The following NAV2 variants were observed in gnomAD, a reference collection of about 807,000 sequenced individuals.
The protein encoded by NAV2 is helicase, APC down-regulated 1.
A neutral mutation model predicts 223.2 loss-of-function variants in NAV2; 54 were observed. That is an observed-to-expected ratio of 0.24 (90% CI 0.19 to 0.30). The LOEUF is 0.30. Ranked by LOEUF, NAV2 falls within the 10% of genes least tolerant of loss-of-function variation. The pLI is 1.00. For synonymous variants in NAV2, 1,279 were observed against 1,239.3 expected (o/e 1.03, Z -0.67); for missense variants, 2,806 against 3,147.5 (o/e 0.89, Z 2.60).
intron 1 of NAV2, among the ~76,000 whole-genome samples, chr11:19,459,504 C>A (rs11025140): frequency 2.0e-5 from 3 of 152,016 alleles, no homozygotes; most frequent in African/African-American, 4.8e-5. Flanking sequence ...TCAGCCAGGC[C>A]TGGTCATGAA....
chr11:19,971,802 A>G (rs565068125), intron 10 of NAV2, among the ~76,000 whole-genome samples: 2 of 152,308 alleles, frequency 1.3e-5, no homozygotes, highest in African/African-American at 4.8e-5. Flanking sequence ...TACTGGGTTC[A>G]AGCAATTCTC....
rs370523360 is a variant in NAV2, at chr11:19,797,842, G to C, written c.268-34642G>C. On this transcript the variant is annotated intron_variant, in intron 1 of 37. Transcript: ENST00000349880. ...GTGGCCCTCCTCAGGTGGTCCTGAG[G>C]ACTCAATGAAGTCACCGGTGTAAAG... 3.3e-4 allele frequency among the ~76,000 whole-genome samples: 50 copies of C among 152,106 alleles called. 1 individual carries two copies. Among genetic ancestry groups the C allele is most frequent in the Admixed American group, 1.3e-4 (2 of 15,272 alleles).
chr11:19,514,132 G>A (rs2043365758), intron 1 of NAV2, among the ~76,000 whole-genome samples: 4 of 152,090 alleles, frequency 2.6e-5, no homozygotes, highest in Admixed American at 1.3e-4. Context: ...GCTAAGATTT[G>A]CACCAAAGTT....
At chr11:20,041,166 T>C (rs1395439262) in intron 12 of NAV2, among the ~76,000 whole-genome samples, 1 of 152,098 alleles carries the variant, frequency 6.6e-6, no homozygotes, top group East Asian at 1.9e-4. Flanking sequence ...AGCTATTAGG[T>C]GCTACTGAGT....
At chr11:19,650,975 C>T (rs778691915) in intron 1 of NAV2, among the ~76,000 whole-genome samples, 5 of 152,158 alleles carry the variant, frequency 3.3e-5, no homozygotes, top group Non-Finnish European at 5.9e-5. Context: ...TTTATAAAAA[C>T]TCATTGAATT....
chr11:19,877,472 T>TTTTTTTTTTTTTGTTTTTTCTTTTA (rs1313196964), intron 4 of NAV2, among the ~76,000 whole-genome samples: 1 of 117,838 alleles, frequency 8.5e-6, no homozygotes, highest in Non-Finnish European at 1.7e-5. Flanking sequence ...TCTTCATTCT[T>TTTTTTTTTTTTTGTTTTTTCTTTTA]TTTTTTTTTT....
At chr11:19,497,578 C>A (rs979554700) in intron 1 of NAV2, among the ~76,000 whole-genome samples, 2 of 152,166 alleles carry the variant, frequency 1.3e-5, no homozygotes, top group Admixed American at 6.5e-5. Context: ...ATTGTCCCTA[C>A]TCATCCATGG....
intron 6 of NAV2, among the ~76,000 whole-genome samples, chr11:19,919,326 G>A (rs1420829156): frequency 6.6e-6 from 1 of 151,352 alleles, no homozygotes; most frequent in African/African-American, 2.4e-5. Context: ...AGCTCCTTGA[G>A]TCCTTGTTCA....
rs143264481 is a variant in NAV2, at chr11:19,964,766, G to A, written c.2645+15686G>A. 2.2e-3 allele frequency among the ~76,000 whole-genome samples: 321 copies of A among 145,914 alleles called. 3 individuals carry two copies. Among genetic ancestry groups the A allele is most frequent in the African/African-American group, 7.9e-3 (305 of 38,750 alleles). On this transcript the variant is annotated intron_variant, in intron 10 of 37. Coordinates refer to ENST00000349880, the MANE Select transcript of NAV2 (RefSeq NM_145117.5). ...TCCTCCTGTCTCAGCCTCCCAAAAC[G>A]TTGGGATTACAGGCATAAGCCACCA...
chr11:20,086,855 C>T lies in NAV2; in HGVS notation c.5498+3676C>T, dbSNP rs142944368. The stretch of plus-strand genomic sequence containing the variant: ...CACAGAGGGGGGCAGAGTGGGGAGT[C>T]GGAGCACTACTTTGGTTCCATTAAA... On this transcript the variant is annotated intron_variant, in intron 26 of 37. Transcript: ENST00000349880. Among the ~76,000 whole-genome samples, 66 of 152,158 alleles carry T rather than the reference C, an allele frequency of 4.3e-4. 2 individuals carry two copies. The East Asian group carries it at 0.012, about 29-fold the overall frequency.
At chr11:19,352,346 AC>A (rs1412820513) in intron 1 of NAV2, among the ~76,000 whole-genome samples, 1 of 152,260 alleles carries the variant, frequency 6.6e-6, no homozygotes, top group Non-Finnish European at 1.5e-5. Flanking sequence ...GTATCCAGAC[AC>A]TTAGTGGAGG....
intron 11 of NAV2, among the ~76,000 whole-genome samples, chr11:20,020,849 G>A (rs902157300): frequency 6.6e-6 from 1 of 152,066 alleles, no homozygotes; most frequent in African/African-American, 2.4e-5. Context: ...CTGTACCCTT[G>A]GACTCTCTGG....
chr11:19,677,629 G>T (rs1172662657), intron 1 of NAV2, among the ~76,000 whole-genome samples: 1 of 152,240 alleles, frequency 6.6e-6, no homozygotes, highest in Non-Finnish European at 1.5e-5. Flanking sequence ...TAGGTTCAGG[G>T]AAGGAAAGGA....
Position 19,681,508 on chromosome 11 carries a change from C to T in NAV2, c.76-150976C>T, listed in dbSNP as rs572825907. On this transcript the variant is annotated intron_variant, in intron 1 of 37. Coordinates refer to the NAV2 transcript ENST00000360655. ...GCTGAGTTGAGATCAGGTTTATCTT[C>T]TAGAAGCCTATCGATTTAATTATTT... Among the ~76,000 whole-genome samples, 103 of 152,182 alleles carry T rather than the reference C, an allele frequency of 6.8e-4. 1 individual carries two copies. The highest frequency in any genetic ancestry group is 1.2e-3 in the Non-Finnish European group (83 of 68,042).
chr11:19,547,537 G>C (rs189608553), intron 1 of NAV2, among the ~76,000 whole-genome samples: 151 of 152,216 alleles, frequency 9.9e-4, no homozygotes, highest in Admixed American at 2.9e-3. Context: ...GCTGCACACT[G>C]TGTAATCAGG....
chr11:20,088,083 T>C (rs1004597298), intron 26 of NAV2, among the ~76,000 whole-genome samples: 11 of 152,100 alleles, frequency 7.2e-5, no homozygotes, highest in Non-Finnish European at 1.2e-4. Flanking sequence ...CGATACAGCA[T>C]AAGTCTAGTC....
intron 1 of NAV2, among the ~76,000 whole-genome samples, chr11:19,389,182 G>A (rs191402349): frequency 6.6e-6 from 1 of 152,324 alleles, no homozygotes; most frequent in Admixed American, 6.5e-5. Context: ...GGTGAGCAGT[G>A]ACTGGCTTGC....
chr11:19,459,835 G>A lies in NAV2; in HGVS notation c.75+108808G>A, dbSNP rs151039004. On this transcript the variant is annotated intron_variant, in intron 1 of 37. Coordinates refer to the NAV2 transcript ENST00000360655. ...CTCTAGGTCTTGGGAGCCACAGAAT[G>A]TTTTTGAGCAAGAAAATGCTATAGC... Among the ~76,000 whole-genome samples, 661 of 152,292 alleles carry A rather than the reference G, an allele frequency of 4.3e-3. 2 individuals are homozygous for A. The highest frequency in any genetic ancestry group is 0.015 in the African/African-American group (629 of 41,556).
rs529208726 is a variant in NAV2 at position 20,014,723 on chromosome 11, G to A, written c.2769-21236G>A. ...TCAAGACCAGCCTGGACAACATGGC[G>A]AAACCCTCTCTCTACTAAAAATACA... On this transcript the variant is annotated intron_variant, in intron 11 of 37. Transcript: ENST00000349880. Among the ~76,000 whole-genome samples the A allele has an allele frequency of 4.6e-5, 7 of 152,216 alleles. No individual in the cohort carries two copies. The South Asian group carries it at 8.3e-4, about 18-fold the overall frequency.
Sources: gnomAD v4.1 joint callset for allele counts (sites outside exome capture counted in the v4.1 genomes callset) on GRCh38, gnomAD v4.1.1 for gene constraint, MANE v1.5 for transcripts, NCBI Gene and HGNC (gene_info 2026-07-23, HGNC 2026-07-21) for gene names.